Variants in TMPRSS7 observed in about 807,000 individuals in gnomAD.
TMPRSS7 encodes transmembrane serine protease 7.
A neutral mutation model predicts 95.6 loss-of-function variants in TMPRSS7; 81 were observed. The observed-to-expected ratio is 0.85, with a 90% CI of 0.71 to 1.02. The LOEUF (loss-of-function observed/expected upper bound fraction) is 1.02. Ranked by LOEUF, TMPRSS7 falls within the 50% of genes least tolerant of loss-of-function variation. TMPRSS7 has a pLI of 0.00. For synonymous variants in TMPRSS7, 364 were observed against 337.8 expected, an observed-to-expected ratio of 1.08 and a Z score of -0.85; for missense variants, 945 against 955.2, an observed-to-expected ratio of 0.99 and a Z score of 0.14.
At chr3:112,046,018 T>G in intron 5 of TMPRSS7, 75 bp downstream of exon 5, 1 of 1,279,176 alleles carries the variant, frequency 7.8e-7, no homozygotes. Context: ...ATAGTCAACA[T>G]TGTAATGAAG....
Position 112,057,025 on chromosome 3 carries a change from A to T in TMPRSS7, c.1204A>T (p.Thr402Ser), listed in dbSNP as rs202119843. The T allele has an allele frequency of 1.9e-6, 3 of 1,590,696 alleles. No individual in the cohort carries two copies. Among genetic ancestry groups the T allele is most frequent in the African/African-American group, 2.7e-5 (2 of 74,092 alleles). Residue 402 changes from threonine to serine, a missense_variant and splice_region_variant, in exon 10 of 18, where the codon ACT (threonine) becomes TCT (serine). Physicochemically the swap from Thr to Ser is moderately conservative, Grantham distance 58 (BLOSUM62 1). Transcript: ENST00000452346. ...TCTGACTTAATGTTTATTTTCACAGACTTCTCTATCAACTCTTGGCATAGC... is the reference window on the plus strand; with the variant it reads ...TCTGACTTAATGTTTATTTTCACAGTCTTCTCTATCAACTCTTGGCATAGC...
intron 17 of TMPRSS7, among the ~76,000 whole-genome samples, chr3:112,079,857 A>C (rs978425192): frequency 4.6e-5 from 7 of 152,210 alleles, no homozygotes; most frequent in African/African-American, 1.7e-4. Context: ...AGAGAGGGTA[A>C]GTAAATTGCC....
At chr3:112,069,696 C>CTA (rs908938123) in intron 13 of TMPRSS7, among the ~76,000 whole-genome samples, 1 of 151,970 alleles carries the variant, frequency 6.6e-6, no homozygotes, top group African/African-American at 2.4e-5. Flanking sequence ...TTTATTGAGT[C>CTA]TATTTGATTC....
chr3:112,047,370 G>A (rs1473589606), intron 6 of TMPRSS7: 7 of 564,660 alleles, frequency 1.2e-5, no homozygotes, highest in Non-Finnish European at 2.0e-5. Context: ...AAACCATGAT[G>A]AAAACCACCT....
At chr3:112,062,161 TA>T (rs1377610551) in intron 11 of TMPRSS7, among the ~76,000 whole-genome samples, 3 of 152,084 alleles carry the variant, frequency 2.0e-5, no homozygotes, top group Non-Finnish European at 4.4e-5. Context: ...TATAACTTTT[TA>T]ATATTACTGA....
At chr3:112,040,838 G>C (rs954882875) in intron 2 of TMPRSS7, among the ~76,000 whole-genome samples, 1 of 152,176 alleles carries the variant, frequency 6.6e-6, no homozygotes, top group East Asian at 1.9e-4. Flanking sequence ...ATCTGGGCAT[G>C]GAGGGTGGCC....
At position 112,050,805 on chromosome 3, in the gene TMPRSS7, C is replaced by A. The variant is rs755076429; in HGVS notation, c.1203+22C>A. The A allele has an allele frequency of 7.9e-5, 107 of 1,357,876 alleles. 2 individuals are homozygous for A. In the South Asian group the frequency reaches 1.3e-3, roughly 17 times the overall value. 84.1% of individuals were successfully genotyped at this position (1,357,876 alleles called of 1,614,324 possible). A position where few individuals can be genotyped will look rare whatever the true frequency, so the allele number is the denominator to read the frequency against. On this transcript the variant is annotated intron_variant, in intron 9 of 17. Coordinates refer to ENST00000452346, the Ensembl canonical transcript of TMPRSS7. ...TCAGGTAGCCTAGTTCTACCAGTGT[C>A]TTAGAAAAATATTACTGCTCTATTT... is the stretch of plus-strand genomic sequence containing the variant.
chr3:112,076,893 C>T (rs751069419), exon 16 of TMPRSS7: 3 of 1,613,934 alleles, frequency 1.9e-6, no homozygotes, highest in Non-Finnish European at 2.5e-6. Flanking sequence ...GATCCCACAC[C>T]ATGGACTGCA....
At chr3:112,076,107 G>A (rs1463780529) in intron 15 of TMPRSS7, among the ~76,000 whole-genome samples, 1 of 152,160 alleles carries the variant, frequency 6.6e-6, no homozygotes, top group Non-Finnish European at 1.5e-5. Flanking sequence ...TCCAAATAAT[G>A]TATTAACCCT....
Position 112,047,891 on chromosome 3 carries a change from GA to G in TMPRSS7, c.885del (p.Ala296ProfsTer9). ...TCTCTCAATCAAGTCCATCCAAATC[GA>G]AGCCGACAACTGTGTCACTGACTCC... is the stretch of plus-strand genomic sequence containing the variant. On this transcript the variant is annotated frameshift_variant, in exon 7 of 18. Transcript: ENST00000452346. LOFTEE classifies it high-confidence loss of function. 2 of 1,613,980 alleles carry G rather than the reference GA, an allele frequency of 1.2e-6. No homozygotes were observed. Among genetic ancestry groups the G allele is most frequent in the Non-Finnish European group, 1.7e-6 (2 of 1,180,016 alleles).
rs750101717 is a variant in TMPRSS7 at position 112,063,565 on chromosome 3, T to C, written c.1488T>C (p.Cys496=). 8 of 1,614,164 alleles carry C rather than the reference T, an allele frequency of 5.0e-6. No individual in the cohort carries two copies. In the South Asian group the frequency reaches 8.8e-5, roughly 18 times the overall value. Residue 496 remains cysteine, a synonymous_variant, in exon 12 of 18, where the codon TGT becomes TGC. Coordinates refer to ENST00000452346, the Ensembl canonical transcript of TMPRSS7. ...CTTTTAGATGCTCCTCCGGTTTATGTGTCCCTCAGGCCCAGCGTTGTGATG... is the reference window on the plus strand; with the variant it reads ...CTTTTAGATGCTCCTCCGGTTTATGCGTCCCTCAGGCCCAGCGTTGTGATG...
At chr3:112,049,672 T>G (rs2073321478) in intron 7 of TMPRSS7, among the ~76,000 whole-genome samples, 172 bp from the exon 8 acceptor site, 1 of 152,220 alleles carries the variant, frequency 6.6e-6, no homozygotes, top group African/African-American at 2.4e-5. Flanking sequence ...TTTCTGGCTC[T>G]GTAGTGCTCT....
At chr3:112,060,223 C>T (rs113893490) in intron 10 of TMPRSS7, among the ~76,000 whole-genome samples, 6,504 of 152,124 alleles carry the variant, frequency 0.043, 414 homozygotes, top group African/African-American at 0.14. Flanking sequence ...GGAGGCAGGG[C>T]GAGATCACAG....
chr3:112,069,479 A>G (rs1158239474), intron 13 of TMPRSS7, among the ~76,000 whole-genome samples: 1 of 152,176 alleles, frequency 6.6e-6, no homozygotes, highest in East Asian at 1.9e-4. Flanking sequence ...TTGGTAGGCT[A>G]TTAAGTATTG....
exon 13 of TMPRSS7, chr3:112,066,479 G>A (rs769383151): frequency 2.0e-5 from 33 of 1,613,760 alleles, no homozygotes; most frequent in African/African-American, 1.2e-4. Flanking sequence ...GAGAATGGCC[G>A]GGATGAGCAA....
At chr3:112,063,415 C>T (rs551853254) in intron 11 of TMPRSS7, 110 bp from the exon 12 acceptor site, 1 of 768,052 alleles carries the variant, frequency 1.3e-6, no homozygotes, top group South Asian at 1.6e-5. Flanking sequence ...ATTATTACTG[C>T]TACCCTGCCA....
chr3:112,035,013 T>C lies in TMPRSS7; in HGVS notation c.48+120T>C, dbSNP rs922313347. 4.5e-5 allele frequency: 29 copies of C among 637,456 alleles called. No homozygotes were observed. In the African/African-American group the frequency reaches 4.8e-4, roughly 10 times the overall value. The allele number at this position is 637,456 out of a possible 1,614,324, so 39.5% of individuals were successfully genotyped here. On this transcript the variant is annotated intron_variant, in intron 1 of 17. Coordinates refer to ENST00000452346, the Ensembl canonical transcript of TMPRSS7. ...GAAACAATAATAAAATATTTTATCTTCTTATGGTAATTAATGGGTTTTACA... is the reference window on the plus strand; with the variant it reads ...GAAACAATAATAAAATATTTTATCTCCTTATGGTAATTAATGGGTTTTACA...
intron 14 of TMPRSS7, 45 bp from the exon 15 acceptor site, chr3:112,075,276 T>G: frequency 7.4e-7 from 1 of 1,359,720 alleles, no homozygotes; most frequent in Non-Finnish European, 9.6e-7. Flanking sequence ...TTCTAGTTTT[T>G]CTTCCAAGTC....
chr3:112,059,765 A>G (rs1432505091), intron 10 of TMPRSS7, among the ~76,000 whole-genome samples: 1 of 152,202 alleles, frequency 6.6e-6, no homozygotes, highest in Non-Finnish European at 1.5e-5. Flanking sequence ...GCCAATTGCA[A>G]AAGACTCTTC....
Sources: allele counts gnomAD v4.1 joint callset (sites outside exome capture counted in the v4.1 genomes callset), GRCh38; gene constraint gnomAD v4.1.1; transcripts MANE v1.5; gene names NCBI Gene and HGNC (gene_info 2026-07-23, HGNC 2026-07-21).